DPP10: variants seen among roughly 807,000 people sequenced by gnomAD.
The protein encoded by DPP10 is inactive dipeptidyl peptidase 10.
DPP10 carries 33 observed loss-of-function variants against 120.9 expected under a neutral mutation model. The ratio of observed to expected loss-of-function variants is 0.27; its 90% confidence interval spans 0.21 to 0.37. The LOEUF (loss-of-function observed/expected upper bound fraction) is 0.37. DPP10 is among the 10% of genes least tolerant of loss of function. The pLI is 1.00. For missense variants in DPP10, 816 were observed against 942.8 expected (o/e 0.87, Z 1.76); for synonymous variants, 337 against 326.1 (o/e 1.03, Z -0.36).
At chr2:114,500,482 T>C (rs747538269) in intron 1 of DPP10, among the ~76,000 whole-genome samples, 5 of 152,206 alleles carry the variant, frequency 3.3e-5, no homozygotes, top group Non-Finnish European at 5.9e-5. Context: ...GGAAGCATTA[T>C]ACCAAAGTGT....
At chr2:114,663,664 T>TAGAGAGAGAGAGAGAGAGAGAGAGAG (rs1374317856) in intron 1 of DPP10, among the ~76,000 whole-genome samples, 3 of 95,430 alleles carry the variant, frequency 3.1e-5, no homozygotes, top group African/African-American at 2.0e-4. Context: ...TATATATATA[T>TAGAGAGAGAGAGAGAGAGAGAGAGAG]ATATAGAGAG....
intron 5 of DPP10, among the ~76,000 whole-genome samples, chr2:115,628,236 T>C (rs955596649): frequency 6.6e-6 from 1 of 152,208 alleles, no homozygotes; most frequent in African/African-American, 2.4e-5. Flanking sequence ...ATGCTTCTCA[T>C]TGTGGTTCTG....
At chr2:115,065,553 C>A (rs1305884569) in intron 1 of DPP10, 1 of 151,978 alleles carries the variant, frequency 6.6e-6, no homozygotes, top group African/African-American at 2.4e-5. Context: ...TTCAGGGATT[C>A]CTCAAAATTT....
chr2:115,132,518 C>T (rs935439959), intron 1 of DPP10, among the ~76,000 whole-genome samples: 4 of 152,078 alleles, frequency 2.6e-5, no homozygotes, highest in African/African-American at 7.2e-5. Context: ...TCATTTCTGT[C>T]ATGTGATGTT....
intron 1 of DPP10, among the ~76,000 whole-genome samples, chr2:114,653,642 T>A (rs1696770013): frequency 6.6e-6 from 1 of 152,286 alleles, no homozygotes; most frequent in Non-Finnish European, 1.5e-5. Context: ...GCAGAAAAGT[T>A]CTCAGTGTCC....
intron 5 of DPP10, among the ~76,000 whole-genome samples, chr2:115,645,816 T>C (rs551464565): frequency 6.6e-6 from 1 of 152,296 alleles, no homozygotes; most frequent in East Asian, 1.9e-4. Context: ...CTACTTCCTC[T>C]TTTTATTCCA....
intron 1 of DPP10, among the ~76,000 whole-genome samples, chr2:114,631,508 GTTAATGA>G (rs1694923595): frequency 6.6e-6 from 1 of 152,158 alleles, no homozygotes; most frequent in African/African-American, 2.4e-5. Flanking sequence ...GGATGACTCT[GTTAATGA>G]TCTGAGAGTA....
intron 1 of DPP10, among the ~76,000 whole-genome samples, chr2:115,137,218 G>A (rs982204999): frequency 1.3e-5 from 2 of 152,148 alleles, no homozygotes; most frequent in Non-Finnish European, 2.9e-5. Flanking sequence ...TTTCTGATAG[G>A]CAGTGATAGA....
intron 1 of DPP10, among the ~76,000 whole-genome samples, chr2:114,740,051 T>C (rs1156365080): frequency 6.6e-6 from 1 of 151,834 alleles, no homozygotes; most frequent in Non-Finnish European, 1.5e-5. Context: ...TAAAGACACA[T>C]GCACACGTAT....
chr2:115,403,332 C>A (rs1295640015), intron 3 of DPP10, among the ~76,000 whole-genome samples: 3 of 148,126 alleles, frequency 2.0e-5, no homozygotes, highest in African/African-American at 5.0e-5. Flanking sequence ...AGATCAGGGA[C>A]AAGACAACGA....
chr2:115,439,834 G>A (rs1343848178), intron 3 of DPP10, among the ~76,000 whole-genome samples: 2 of 152,214 alleles, frequency 1.3e-5, no homozygotes, highest in South Asian at 2.1e-4. Flanking sequence ...TATATAATGT[G>A]TAGATCAAAC....
chr2:115,260,471 T>A (rs2059204252), intron 1 of DPP10, among the ~76,000 whole-genome samples: 1 of 152,184 alleles, frequency 6.6e-6, no homozygotes, highest in African/African-American at 2.4e-5. Context: ...TGGCGCAAGA[T>A]AAATCACTCT....
At chr2:115,503,442 C>T (rs2076786468) in intron 4 of DPP10, among the ~76,000 whole-genome samples, 1 of 151,936 alleles carries the variant, frequency 6.6e-6, no homozygotes, top group Non-Finnish European at 1.5e-5. Context: ...AAATAGGTGC[C>T]CTATTGAAAC....
chr2:114,748,258 G>A (rs1263563189), intron 1 of DPP10, among the ~76,000 whole-genome samples: 1 of 150,432 alleles, frequency 6.6e-6, no homozygotes, highest in African/African-American at 2.4e-5. Flanking sequence ...CTGCTTGCAG[G>A]CTGCATTTCC....
intron 1 of DPP10, among the ~76,000 whole-genome samples, chr2:114,653,360 C>A (rs767877655): frequency 5.9e-5 from 9 of 152,076 alleles, no homozygotes; most frequent in Non-Finnish European, 1.3e-4. Flanking sequence ...TTCCCTGGAG[C>A]CTCTGGAGAA....
At chr2:114,688,653 A>C (rs952196982) in intron 1 of DPP10, among the ~76,000 whole-genome samples, 7 of 152,140 alleles carry the variant, frequency 4.6e-5, no homozygotes, top group Admixed American at 2.6e-4. Flanking sequence ...GAAGAAAGCA[A>C]GCTGTAATCT....
chr2:115,755,775 A>G (rs1479381407), intron 11 of DPP10, among the ~76,000 whole-genome samples: 1 of 152,074 alleles, frequency 6.6e-6, no homozygotes, highest in Non-Finnish European at 1.5e-5. Context: ...GGAAATTAGT[A>G]TATGAAATAC....
intron 1 of DPP10, among the ~76,000 whole-genome samples, chr2:115,094,637 G>A (rs953489208): frequency 2.6e-5 from 4 of 152,098 alleles, no homozygotes; most frequent in Non-Finnish European, 5.9e-5. Context: ...AGCTCCATGA[G>A]TATTTACCGA....
At chr2:114,722,300 A>G (rs1701748445) in intron 1 of DPP10, among the ~76,000 whole-genome samples, 1 of 152,164 alleles carries the variant, frequency 6.6e-6, no homozygotes, top group African/African-American at 2.4e-5. Flanking sequence ...GATGATTAAA[A>G]TTTCTTCCAT....
Sources: allele counts gnomAD v4.1 joint callset (sites outside exome capture counted in the v4.1 genomes callset), GRCh38; gene constraint gnomAD v4.1.1; transcripts MANE v1.5; gene names NCBI Gene and HGNC (gene_info 2026-07-23, HGNC 2026-07-21).